The following SLC4A5 variants were observed in gnomAD, a reference collection of about 807,000 sequenced individuals.
SLC4A5 encodes electrogenic sodium bicarbonate cotransporter 4.
In SLC4A5, 96 loss-of-function variants were observed where a neutral mutation model predicts 120.4. The observed-to-expected ratio is 0.80, with a 90% CI of 0.68 to 0.94. SLC4A5 has a LOEUF of 0.94. Among genes scored for constraint, SLC4A5 ranks in the 40% least tolerant of loss-of-function variants. The probability of loss-of-function intolerance (pLI) is 0.00; values close to 1 mark genes in which losing one functional copy is unlikely to be tolerated. For missense variants in SLC4A5, 1,259 were observed against 1,459.5 expected, an observed-to-expected ratio of 0.86 and a Z score of 2.24; for synonymous variants, 550 against 571.1, an observed-to-expected ratio of 0.96 and a Z score of 0.53.
In SLC4A5 at chr2:74,233,421, CGG is replaced by C. The variant is rs1670162916; in HGVS notation, c.2574_2575del (p.Asn858LysfsTer196). ...CCTTACCTTCAGTTTGTTCTCCTTC[CGG>C]TTGACAATGACGGCAGTGATCTGCT... On this transcript the variant is annotated frameshift_variant, in exon 23 of 31. Coordinates refer to ENST00000394019, the Ensembl canonical transcript of SLC4A5. LOFTEE classifies it high-confidence loss of function. The C allele has an allele frequency of 6.2e-7, 1 of 1,614,062 alleles. No homozygotes were observed.
At chr2:74,307,022 G>C (rs1672664918) in intron 6 of SLC4A5, 2 of 582,248 alleles carry the variant, frequency 3.4e-6, no homozygotes, top group African/African-American at 3.7e-5. Flanking sequence ...CCATCTGCAG[G>C]GTGTAGTGGG....
Position 74,254,507 on chromosome 2 carries a change from G to A in SLC4A5, c.1113+112C>T, listed in dbSNP as rs1394271451. Reference sequence around the variant, plus strand: ...ATCTTTAGCATCCTATGTAGTGCCTGGTACACAGTAGGTGCTCAAATGTGC... The same window carrying A: ...ATCTTTAGCATCCTATGTAGTGCCTAGTACACAGTAGGTGCTCAAATGTGC... On this transcript the variant is annotated intron_variant, in intron 14 of 30. Coordinates refer to ENST00000394019, the Ensembl canonical transcript of SLC4A5. The A allele has an allele frequency of 6.2e-6, 5 of 801,680 alleles. No homozygotes were observed. The Admixed American group carries it at 9.2e-5, about 15-fold the overall frequency. The allele number at this position is 801,680 out of a possible 1,614,324, so 49.7% of individuals were successfully genotyped here.
chr2:74,262,140 G>A (rs780933238), exon 11 of SLC4A5: 5 of 1,613,576 alleles, frequency 3.1e-6, no homozygotes, highest in Non-Finnish European at 4.2e-6. Flanking sequence ...CACTCACACA[G>A]ACGTCCGTAA....
intron 28 of SLC4A5, among the ~76,000 whole-genome samples, 180 bp from the exon 29 acceptor site, chr2:74,223,132 G>C (rs2103874727): frequency 6.6e-6 from 1 of 151,668 alleles, no homozygotes; most frequent in East Asian, 1.9e-4. Flanking sequence ...AGCCTCCCAA[G>C]TAGCTGGGAT....
At chr2:74,240,720 C>T (rs1013892160) in intron 20 of SLC4A5, among the ~76,000 whole-genome samples, 56 of 150,922 alleles carry the variant, frequency 3.7e-4, no homozygotes, top group Admixed American at 4.6e-4. Context: ...AGTGATGATA[C>T]GATCACACCA....
intron 21 of SLC4A5, among the ~76,000 whole-genome samples, chr2:74,235,972 G>A (rs1490492864): frequency 1.3e-5 from 2 of 152,218 alleles, no homozygotes; most frequent in African/African-American, 4.8e-5. Context: ...TTGAAGGGCA[G>A]GGGCAGGTGA....
In SLC4A5 at chr2:74,283,791, T is replaced by C. The variant is rs1418389303; in HGVS notation, c.401+1982A>G. Among the ~76,000 whole-genome samples, 3 of 151,902 alleles carry C rather than the reference T, an allele frequency of 2.0e-5. 1 individual carries two copies. Among genetic ancestry groups the C allele is most frequent in the Admixed American group, 2.0e-4 (3 of 15,268 alleles). ...AGTGAAAATATTTTAGATATTACAA[T>C]GGTTTGTGGTACTCTAGAGCTACAC... On this transcript the variant is annotated intron_variant, in intron 8 of 30. Coordinates refer to ENST00000394019, the Ensembl canonical transcript of SLC4A5.
chr2:74,288,811 C>G (rs116816996), intron 7 of SLC4A5, among the ~76,000 whole-genome samples: 1 of 152,266 alleles, frequency 6.6e-6, no homozygotes, highest in African/African-American at 2.4e-5. Context: ...TCAACATATT[C>G]AAAACAGCTC....
At chr2:74,253,067 T>A in exon 15 of SLC4A5, 1 of 1,614,182 alleles carries the variant, frequency 6.2e-7, no homozygotes, top group Non-Finnish European at 8.5e-7. Flanking sequence ...ATCCAGAAAT[T>A]CATCAATTCC....
chr2:74,259,775 C>A (rs1018058592), intron 11 of SLC4A5, 132 bp from the exon 12 acceptor site: 5 of 793,150 alleles, frequency 6.3e-6, no homozygotes, highest in Non-Finnish European at 1.1e-5. Flanking sequence ...ATCCTGCAGT[C>A]CCCTTAAACT....
At chr2:74,308,854 T>C (rs1438564185) in intron 6 of SLC4A5, among the ~76,000 whole-genome samples, 2 of 152,124 alleles carry the variant, frequency 1.3e-5, no homozygotes, top group Non-Finnish European at 2.9e-5. Context: ...AGTTTTGCAT[T>C]ATACATTTAG....
intron 5 of SLC4A5, 33 bp from the exon 6 acceptor site, chr2:74,315,058 T>C: frequency 1.3e-6 from 2 of 1,545,610 alleles, no homozygotes; most frequent in Admixed American, 3.3e-5. Flanking sequence ...CCTCAAAATG[T>C]ATACATTAAA....
intron 1 of SLC4A5, among the ~76,000 whole-genome samples, 157 bp from the exon 2 acceptor site, chr2:74,342,691 A>C (rs1259215462): frequency 6.6e-6 from 1 of 152,222 alleles, no homozygotes; most frequent in African/African-American, 2.4e-5. Context: ...AGAGCTATGC[A>C]GTCTGTCACT....
chr2:74,227,145 G>C lies in SLC4A5; in HGVS notation c.2917-15C>G. ...CGTTCCCAGAACTAGGGGGACAGCG[G>C]GGGCTCAGCCAGGCAGCCAGACCCC... On this transcript the variant is annotated splice_polypyrimidine_tract_variant and intron_variant, in intron 26 of 30. Coordinates refer to ENST00000394019, the Ensembl canonical transcript of SLC4A5. 1 of 1,596,254 alleles carries C rather than the reference G, an allele frequency of 6.3e-7. No individual in the cohort carries two copies. Among genetic ancestry groups the C allele is most frequent in the Non-Finnish European group, 8.5e-7 (1 of 1,171,318 alleles).
At chr2:74,311,320 T>C (rs1231169169) in intron 6 of SLC4A5, among the ~76,000 whole-genome samples, 2 of 152,166 alleles carry the variant, frequency 1.3e-5, no homozygotes, top group Non-Finnish European at 2.9e-5. Flanking sequence ...TATTTGGTAT[T>C]ATCCCTTTTT....
At chr2:74,269,695 C>T (rs1671414703) in intron 8 of SLC4A5, among the ~76,000 whole-genome samples, 1 of 152,030 alleles carries the variant, frequency 6.6e-6, no homozygotes, top group Admixed American at 6.6e-5. Flanking sequence ...CATGGTCTTA[C>T]CCACCCACCT....
intron 30 of SLC4A5, among the ~76,000 whole-genome samples, chr2:74,220,668 C>T (rs1223025494): frequency 6.6e-6 from 1 of 151,040 alleles, no homozygotes; most frequent in Admixed American, 6.6e-5. Context: ...AGGCGCCCAC[C>T]ACCATGCCCG....
At chr2:74,222,792 T>TA in intron 29 of SLC4A5, 76 bp downstream of exon 29, 1 of 1,302,086 alleles carries the variant, frequency 7.7e-7, no homozygotes, top group Admixed American at 1.7e-5. Context: ...CCCCCTGAGT[T>TA]ACAGATGAAA....
At chr2:74,238,263 A>G (rs966964776) in intron 21 of SLC4A5, among the ~76,000 whole-genome samples, 3 of 152,152 alleles carry the variant, frequency 2.0e-5, no homozygotes, top group African/African-American at 7.2e-5. Flanking sequence ...AAATAAATGA[A>G]GTATACTGTA....
Sources: gnomAD v4.1 joint callset for allele counts (sites outside exome capture counted in the v4.1 genomes callset) on GRCh38, gnomAD v4.1.1 for gene constraint, MANE v1.5 for transcripts, NCBI Gene and HGNC (gene_info 2026-07-23, HGNC 2026-07-21) for gene names.